Variants in CAPN1 observed in about 807,000 individuals in gnomAD.
The protein encoded by CAPN1 is calpain-1 catalytic subunit.
A neutral mutation model predicts 105.2 loss-of-function variants in CAPN1; 77 were observed. That is an observed-to-expected ratio of 0.73 (90% CI 0.61 to 0.88). The LOEUF is 0.88. Among genes scored for constraint, CAPN1 ranks in the 40% least tolerant of loss-of-function variants. The probability of loss-of-function intolerance (pLI) is 0.00; values close to 1 mark genes in which losing one functional copy is unlikely to be tolerated. For missense variants in CAPN1, 833 were observed against 976.6 expected (o/e 0.85, Z 1.96); for synonymous variants, 355 against 388.8 (o/e 0.91, Z 1.02).
chr11:65,200,664 A>G (rs1438107187), intron 10 of CAPN1, among the ~76,000 whole-genome samples: 4 of 151,814 alleles, frequency 2.6e-5, no homozygotes, highest in Admixed American at 2.6e-4. Context: ...TTTTTGAGAC[A>G]GTGTCTCATT....
At chr11:65,193,797 T>A (rs144549329) in intron 10 of CAPN1, among the ~76,000 whole-genome samples, 53 of 151,984 alleles carry the variant, frequency 3.5e-4, no homozygotes, top group African/African-American at 1.2e-3. Context: ...TCCTCTGTGA[T>A]CCTAGGTCAC....
intron 4 of CAPN1, among the ~76,000 whole-genome samples, chr11:65,185,483 A>G (rs1948618510): frequency 6.6e-6 from 1 of 151,996 alleles, no homozygotes; most frequent in Admixed American, 6.6e-5. Context: ...GCCTGGCTAC[A>G]TCAATGCAGA....
chr11:65,194,128 A>ATT (rs543647420), intron 10 of CAPN1, among the ~76,000 whole-genome samples: 13 of 145,838 alleles, frequency 8.9e-5, no homozygotes, highest in Non-Finnish European at 1.2e-4. Context: ...TGCCCAACTA[A>ATT]TTTTTTTTTT....
At chr11:65,205,033 G>A (rs1042534364) in intron 11 of CAPN1, among the ~76,000 whole-genome samples, 175 bp downstream of exon 11, 2 of 152,216 alleles carry the variant, frequency 1.3e-5, no homozygotes, top group African/African-American at 4.8e-5. Context: ...CCTCCAGGAG[G>A]CACCTGCTGA....
At chr11:65,182,460 A>C in intron 1 of CAPN1, 1 of 513,396 alleles carries the variant, frequency 1.9e-6, no homozygotes, top group Non-Finnish European at 3.4e-6. Context: ...GCCCCTGACA[A>C]TGGGATCCGG....
In CAPN1 at chr11:65,208,107, A is replaced by C. The variant is rs1405411542; in HGVS notation, c.1658A>C (p.Gln553Pro). Residue 553 changes from glutamine to proline, a missense_variant, in exon 15 of 22, where the codon CAG becomes CCG. Transcript: ENST00000279247. The surrounding 1 kb of genome is among the most constrained non-coding windows in gnomAD (Gnocchi z 4.1). ...GAGAACTTCAAGGCCCTCTTCAGGC[A>C]GCTGGCAGGGGAGGTAGGTTGGGGC... ...IDENFKALFR[Q>P]LAGEDMEISV... 6.2e-7 allele frequency: 1 copy of C among 1,608,508 alleles called. No homozygotes were observed. The highest frequency in any genetic ancestry group is 8.5e-7 in the Non-Finnish European group (1 of 1,177,616).
At chr11:65,198,151 T>C (rs1948818066) in intron 10 of CAPN1, among the ~76,000 whole-genome samples, 1 of 152,084 alleles carries the variant, frequency 6.6e-6, no homozygotes, top group Admixed American at 6.6e-5. Context: ...TCTTTTTTTT[T>C]TTTCTCTGAG....
rs1949050991 is a variant in CAPN1, at chr11:65,211,614, T to C, written c.*328T>C. ...ATCCTGATGTGTCCCCTCTCCCCACTTCAGAGGCCACCCACTCAGCACCAC... is the reference window on the plus strand; with the variant it reads ...ATCCTGATGTGTCCCCTCTCCCCACCTCAGAGGCCACCCACTCAGCACCAC... On this transcript the variant is annotated 3_prime_UTR_variant, in exon 22 of 22. Coordinates refer to ENST00000279247, the MANE Select transcript of CAPN1 (RefSeq NM_005186.4). The C allele has an allele frequency of 1.1e-5, 5 of 465,996 alleles. No homozygotes were observed. In the Admixed American group the frequency reaches 1.6e-4, roughly 15 times the overall value. 28.9% of individuals were successfully genotyped at this position (465,996 alleles called of 1,614,324 possible). A position where few individuals can be genotyped will look rare whatever the true frequency, so the allele number is the denominator to read the frequency against.
chr11:65,211,113 G>T, intron 21 of CAPN1, 147 bp from the exon 22 acceptor site: 1 of 898,786 alleles, frequency 1.1e-6, no homozygotes, highest in Non-Finnish European at 1.8e-6. Flanking sequence ...TTTCCCAGGG[G>T]TGGAGGAGGT....
At chr11:65,185,881 T>C in intron 4 of CAPN1, 36 bp from the exon 5 acceptor site, 1 of 1,559,318 alleles carries the variant, frequency 6.4e-7, no homozygotes, top group African/African-American at 1.4e-5. Flanking sequence ...TCCGGGGGAT[T>C]CCAAAGCAGG....
chr11:65,190,395 C>T lies in CAPN1; in HGVS notation c.1165+1649C>T, dbSNP rs899106399. On this transcript the variant is annotated intron_variant, in intron 10 of 21. Coordinates refer to ENST00000279247, the MANE Select transcript of CAPN1 (RefSeq NM_005186.4). ...CTGTGCTGCATCCTCAGCACGGCTC[C>T]CTGCCCTCTGTTTTGAAGCATTCTT... Among the ~76,000 whole-genome samples the T allele has an allele frequency of 1.4e-4, 21 of 152,314 alleles. No homozygotes were observed. In the East Asian group the frequency reaches 3.9e-3, roughly 28 times the overall value.
At chr11:65,204,318 C>T (rs967391374) in intron 10 of CAPN1, among the ~76,000 whole-genome samples, 1 of 152,044 alleles carries the variant, frequency 6.6e-6, no homozygotes, top group African/African-American at 2.4e-5. Context: ...TGGGGCCCTT[C>T]CTCACCTCTG....
At chr11:65,190,142 C>T (rs1187883358) in intron 10 of CAPN1, among the ~76,000 whole-genome samples, 1 of 152,222 alleles carries the variant, frequency 6.6e-6, no homozygotes, top group Non-Finnish European at 1.5e-5. Context: ...GGAGAGTCCT[C>T]TGTCTTAACA....
chr11:65,183,640 C>T (rs748988442), intron 4 of CAPN1, 48 bp downstream of exon 4: 4 of 1,316,294 alleles, frequency 3.0e-6, no homozygotes, highest in Non-Finnish European at 4.4e-6. Context: ...GGGGGAGATG[C>T]GGAAGGATGA....
chr11:65,210,892 C>A lies in CAPN1; in HGVS notation c.2118+20C>A. On this transcript the variant is annotated intron_variant, in intron 21 of 21. Coordinates refer to ENST00000279247, the MANE Select transcript of CAPN1 (RefSeq NM_005186.4). The surrounding 1 kb of genome is among the most constrained non-coding windows in gnomAD (Gnocchi z 4.3). ...TTTAAGGTGGGAACCTCCCTGGGCCCATGGTTGGGGAAGAGTTCCAGGCGA... is the reference window on the plus strand; with the variant it reads ...TTTAAGGTGGGAACCTCCCTGGGCCAATGGTTGGGGAAGAGTTCCAGGCGA... 3.1e-6 allele frequency: 5 copies of A among 1,597,856 alleles called. No individual in the cohort carries two copies. The highest frequency in any genetic ancestry group is 1.3e-5 in the African/African-American group (1 of 74,658).
chr11:65,209,309 G>C lies in CAPN1; in HGVS notation c.1730-14G>C. The C allele has an allele frequency of 6.2e-7, 1 of 1,611,926 alleles. No individual in the cohort carries two copies. Among genetic ancestry groups the C allele is most frequent in the Non-Finnish European group, 8.5e-7 (1 of 1,178,698 alleles). On this transcript the variant is annotated splice_polypyrimidine_tract_variant and intron_variant, in intron 16 of 21. Coordinates refer to ENST00000279247, the MANE Select transcript of CAPN1 (RefSeq NM_005186.4). The surrounding 1 kb of genome is among the most constrained non-coding windows in gnomAD (Gnocchi z 4.1). ...CTCACTAGGTGGAGATGTTGGAATT[G>C]GTTTTTCTTGCAGACAAAGACCTGC...
chr11:65,186,350 C>T lies in CAPN1; in HGVS notation c.759+12C>T, dbSNP rs556222318. ...GCTGCTCCATAGACGTGAGTGTGCC[C>T]GGCCCCGATGCTTTGGTACCCTGGA... On this transcript the variant is annotated intron_variant, in intron 6 of 21. Transcript: ENST00000279247. 180 of 1,602,980 alleles carry T rather than the reference C, an allele frequency of 1.1e-4. No homozygotes were observed. The highest frequency in any genetic ancestry group is 1.7e-4 in the Middle Eastern group (1 of 6,002).
intron 10 of CAPN1, among the ~76,000 whole-genome samples, chr11:65,190,458 T>C (rs1948702345): frequency 6.6e-6 from 1 of 152,122 alleles, no homozygotes; most frequent in African/African-American, 2.4e-5. Flanking sequence ...TTTCCCCAAA[T>C]AGATAACCAC....
chr11:65,211,304 C>A lies in CAPN1; in HGVS notation c.*18C>A, dbSNP rs1291794923. The A allele has an allele frequency of 5.6e-6, 9 of 1,611,300 alleles. No individual in the cohort carries two copies. Among genetic ancestry groups the A allele is most frequent in the Non-Finnish European group, 7.6e-6 (9 of 1,179,430 alleles). ...TTGCATGAGGCAGGGACTCGGTCCC[C>A]CTTGCCGTGCTCCCCTCCCTCCTCG... On this transcript the variant is annotated 3_prime_UTR_variant, in exon 22 of 22. Coordinates refer to ENST00000279247, the MANE Select transcript of CAPN1 (RefSeq NM_005186.4).
Sources: gnomAD v4.1 joint callset for allele counts (sites outside exome capture counted in the v4.1 genomes callset) on GRCh38, gnomAD v4.1.1 for gene constraint, Gnocchi (gnomAD v3.1) non-coding constraint, MANE v1.5 for transcripts, NCBI Gene and HGNC (gene_info 2026-07-23, HGNC 2026-07-21) for gene names.